CLCA4: variants seen among roughly 807,000 people sequenced by gnomAD.
The protein encoded by CLCA4 is chloride channel accessory 4.
In CLCA4, 69 loss-of-function variants were observed where a neutral mutation model predicts 78.9. The ratio of observed to expected loss-of-function variants is 0.87; its 90% CI spans 0.72 to 1.07. CLCA4 has a LOEUF of 1.07. Ranked by LOEUF, CLCA4 falls within the 50% of genes least tolerant of loss-of-function variation. CLCA4 has a pLI of 0.00. For synonymous variants in CLCA4, 362 were observed against 375.8 expected (o/e 0.96, Z 0.42); for missense variants, 1,133 against 1,095.8 (o/e 1.03, Z -0.48).
At chr1:86,570,350 G>T (rs976010351) in intron 7 of CLCA4, among the ~76,000 whole-genome samples, 7 of 151,914 alleles carry the variant, frequency 4.6e-5, no homozygotes, top group Non-Finnish European at 7.4e-5. Flanking sequence ...TTGTCATCCT[G>T]GGCTAACTTC....
chr1:86,554,509 C>A (rs2101792925), intron 1 of CLCA4, among the ~76,000 whole-genome samples: 1 of 152,210 alleles, frequency 6.6e-6, no homozygotes, highest in East Asian at 1.9e-4. Flanking sequence ...AAGTGATCTG[C>A]CCACCGCGGC....
chr1:86,551,021 C>T (rs968340908), intron 1 of CLCA4, among the ~76,000 whole-genome samples: 1 of 151,758 alleles, frequency 6.6e-6, no homozygotes, highest in East Asian at 2.0e-4. Flanking sequence ...TTAGTAGAGA[C>T]GGGGTTTCAC....
At chr1:86,567,135 C>T (rs1385905729) in intron 6 of CLCA4, among the ~76,000 whole-genome samples, 1 of 151,814 alleles carries the variant, frequency 6.6e-6, no homozygotes, top group Non-Finnish European at 1.5e-5. Context: ...GTCTCCTCAC[C>T]CCAATTTCAA....
rs867312263 is a variant in CLCA4 at position 86,575,247 on chromosome 1, T to C, written c.1684-85T>C. The C allele has an allele frequency of 1.3e-5, 15 of 1,156,632 alleles. No homozygotes were observed. In the Middle Eastern group the frequency reaches 8.3e-4, roughly 64 times the overall value. 71.6% of individuals were successfully genotyped at this position (1,156,632 alleles called of 1,614,324 possible). A position where few individuals can be genotyped will look rare whatever the true frequency, so the allele number is the denominator to read the frequency against. On this transcript the variant is annotated intron_variant, in intron 10 of 13. Transcript: ENST00000370563. Reference sequence around the variant, plus strand: ...AAACCTCTTTATTCTCTCCCCATTATATAATTTATTTTAGAATTACATAAT... The same window carrying C: ...AAACCTCTTTATTCTCTCCCCATTACATAATTTATTTTAGAATTACATAAT...
At chr1:86,547,791 A>G (rs1196318366) in intron 1 of CLCA4, among the ~76,000 whole-genome samples, 1 of 152,164 alleles carries the variant, frequency 6.6e-6, no homozygotes, top group Non-Finnish European at 1.5e-5. Flanking sequence ...CCACAAATGA[A>G]GCAATTTCAT....
chr1:86,549,235 C>T (rs994078682), intron 1 of CLCA4, among the ~76,000 whole-genome samples: 24 of 151,964 alleles, frequency 1.6e-4, no homozygotes, highest in African/African-American at 5.6e-4. Context: ...TCAGCACAGA[C>T]CTGAGATGAG....
chr1:86,574,899 T>A, intron 10 of CLCA4, 144 bp downstream of exon 10: 1 of 649,192 alleles, frequency 1.5e-6, no homozygotes, highest in Non-Finnish European at 2.6e-6. Flanking sequence ...CCTGTGTCCT[T>A]AAAACTATGA....
At chr1:86,552,261 T>C (rs1649687271) in intron 1 of CLCA4, among the ~76,000 whole-genome samples, 1 of 152,110 alleles carries the variant, frequency 6.6e-6, no homozygotes, top group African/African-American at 2.4e-5. Context: ...AACTGAATTG[T>C]AAAAAAATCA....
chr1:86,570,937 T>C (rs2101811904), intron 7 of CLCA4, 140 bp from the exon 8 acceptor site: 1 of 544,770 alleles, frequency 1.8e-6, no homozygotes, highest in Non-Finnish European at 3.1e-6. Context: ...TGATTGAAAA[T>C]TCTTTATTTT....
At chr1:86,550,016 C>T (rs1357730478) in intron 1 of CLCA4, among the ~76,000 whole-genome samples, 3 of 152,102 alleles carry the variant, frequency 2.0e-5, no homozygotes, top group South Asian at 4.1e-4. Flanking sequence ...GGTGTAGCCA[C>T]GTAAATTATT....
chr1:86,557,935 G>A (rs763944135), intron 1 of CLCA4, among the ~76,000 whole-genome samples: 4 of 151,618 alleles, frequency 2.6e-5, no homozygotes, highest in Admixed American at 1.3e-4. Flanking sequence ...TTACCATTAC[G>A]TAATGCCCTT....
intron 7 of CLCA4, among the ~76,000 whole-genome samples, chr1:86,570,482 A>C (rs370697931): frequency 1.3e-5 from 2 of 152,076 alleles, no homozygotes; most frequent in African/African-American, 4.8e-5. Flanking sequence ...ATATTCTTTA[A>C]GCATCACCAA....
chr1:86,551,306 C>CTTTGT (rs559816327), intron 1 of CLCA4, among the ~76,000 whole-genome samples: 1 of 151,898 alleles, frequency 6.6e-6, no homozygotes, highest in African/African-American at 2.4e-5. Flanking sequence ...TTTTCTTTAC[C>CTTTGT]TTTGTTTTGT....
intron 1 of CLCA4, chr1:86,553,338 A>G (rs771862473): frequency 4.0e-5 from 25 of 623,088 alleles, no homozygotes; most frequent in Non-Finnish European, 6.6e-5. Context: ...TCCTCGTGCA[A>G]ACATTGTGTC....
chr1:86,565,820 G>A lies in CLCA4; in HGVS notation c.754G>A (p.Glu252Lys), dbSNP rs1216350885. The change falls in exon 6 of 14, where the codon GAA becomes AAA. Residue 252 changes from glutamate to lysine, a missense_variant. Glu to Lys is a moderately conservative substitution (Grantham distance 56). Coordinates refer to ENST00000370563, the MANE Select transcript of CLCA4 (RefSeq NM_012128.4). ...SIDSVVEFCN[E>K]KTHNQEAPSL... ...CTTTTAGGTTGTTGAATTTTGTAAC[G>A]AAAAAACCCATAATCAAGAAGCTCC... 14 of 1,519,656 alleles carry A rather than the reference G, an allele frequency of 9.2e-6. No homozygotes were observed. The highest frequency in any genetic ancestry group is 4.3e-5 in the Admixed American group (2 of 46,704). The allele number at this position is 1,519,656 out of a possible 1,614,324, so 94.1% of individuals were successfully genotyped here.
intron 3 of CLCA4, among the ~76,000 whole-genome samples, chr1:86,562,668 C>G (rs914085632): frequency 6.6e-6 from 1 of 151,878 alleles, no homozygotes; most frequent in African/African-American, 2.4e-5. Context: ...GCCTGGCCAA[C>G]GTGGTGAAAC....
rs566529724 is a variant in CLCA4, at chr1:86,563,647, A to C, written c.449-14A>C. On this transcript the variant is annotated splice_polypyrimidine_tract_variant and intron_variant, in intron 3 of 13. Transcript: ENST00000370563. The stretch of plus-strand genomic sequence containing the variant: ...CTTGGATTATGATCATGTATTTGAA[A>C]TGCTTTCCCACAGGCAAACTGTTTG... 6.4e-6 allele frequency: 9 copies of C among 1,401,352 alleles called. No individual in the cohort carries two copies. The South Asian group carries it at 1.1e-4, about 17-fold the overall frequency. The allele number at this position is 1,401,352 out of a possible 1,614,324, so 86.8% of individuals were successfully genotyped here.
chr1:86,560,174 AT>A (rs762083915), intron 2 of CLCA4, 36 bp from the exon 3 acceptor site: 1 of 1,575,586 alleles, frequency 6.3e-7, no homozygotes, highest in Non-Finnish European at 8.6e-7. Context: ...TATCTTTTTT[AT>A]TTTTGATGTT....
intron 1 of CLCA4, among the ~76,000 whole-genome samples, chr1:86,551,842 C>T (rs1649673622): frequency 6.6e-6 from 1 of 152,130 alleles, no homozygotes; most frequent in Admixed American, 6.5e-5. Context: ...ATAAAATTCT[C>T]CATAATTTAT....
Sources: gnomAD v4.1 joint callset for allele counts (sites outside exome capture counted in the v4.1 genomes callset) on GRCh38, gnomAD v4.1.1 for gene constraint, MANE v1.5 for transcripts, NCBI Gene and HGNC (gene_info 2026-07-23, HGNC 2026-07-21) for gene names.